Variants in ZBP1 observed in about 807,000 individuals in gnomAD.
ZBP1 encodes Z-DNA binding protein 1.
In ZBP1, 42 loss-of-function variants were observed where a neutral mutation model predicts 41.1. That is an observed-to-expected ratio of 1.02 (90% confidence interval 0.80 to 1.32). The LOEUF is 1.32. Ranked by LOEUF, ZBP1 falls within the 40% of genes most tolerant of loss-of-function variation. The pLI, the probability that ZBP1 is intolerant of heterozygous loss-of-function variation, is 0.00. For missense variants in ZBP1, 562 were observed against 549.7 expected (o/e 1.02, Z -0.22); for synonymous variants, 214 against 205.2 (o/e 1.04, Z -0.37).
chr20:57,620,210 A>C, intron 1 of ZBP1, 52 bp downstream of exon 1: 1 of 1,552,152 alleles, frequency 6.4e-7, no homozygotes, highest in Non-Finnish European at 8.7e-7. Context: ...AGAGAAGTAG[A>C]AATCTCACCC....
chr20:57,613,054 C>G lies in ZBP1; in HGVS notation c.670+109G>C. Reference sequence around the variant, plus strand: ...GGGGGTCTGGAAGCAACCCTTTCCCCTTGGAGGGCAGAATCCCCCCACTCC... The same window carrying G: ...GGGGGTCTGGAAGCAACCCTTTCCCGTTGGAGGGCAGAATCCCCCCACTCC... On this transcript the variant is annotated intron_variant, in intron 5 of 7. Coordinates refer to ENST00000371173, the MANE Select transcript of ZBP1 (RefSeq NM_030776.3). The surrounding 1 kb of genome is among the most constrained non-coding windows in gnomAD (Gnocchi z 4.5). The G allele has an allele frequency of 6.5e-7, 1 of 1,546,876 alleles. No individual in the cohort carries two copies.
At position 57,615,130 on chromosome 20, in the gene ZBP1, C is replaced by T. The variant is rs2070783312; in HGVS notation, c.329-70G>A. On this transcript the variant is annotated intron_variant, in intron 3 of 7. Coordinates refer to ENST00000371173, the MANE Select transcript of ZBP1 (RefSeq NM_030776.3). ...TTGCATCTGCCCCACCGCTTCCTAGCTGTGTGGCCCTGGACCCAGCCCCTC... is the reference window on the plus strand; with the variant it reads ...TTGCATCTGCCCCACCGCTTCCTAGTTGTGTGGCCCTGGACCCAGCCCCTC... 10 of 1,543,362 alleles carry T rather than the reference C, an allele frequency of 6.5e-6. No homozygotes were observed. The Admixed American group carries it at 1.0e-4, about 16-fold the overall frequency.
In ZBP1 at chr20:57,610,169, C is replaced by A. The variant is rs140512887; in HGVS notation, c.1073G>T (p.Gly358Val). The A allele has an allele frequency of 6.2e-7, 1 of 1,614,004 alleles. No individual in the cohort carries two copies. The highest frequency in any genetic ancestry group is 1.7e-5 in the Admixed American group (1 of 60,026). The change falls in exon 7 of 8, where the codon GGG (glycine) becomes GTG (valine). Residue 358 changes from glycine to valine, a missense_variant. Transcript: ENST00000371173. This position sits in a 1 kb window ranked among gnomAD's most constrained non-coding sequence, Gnocchi z 5.5. ...CTCACCTGCGTCCTCCCCTGGCTCC[C>A]CCTCTCCAGACCCTGCGACTCCTCC... Reference protein sequence around the residue: ...GPGGVAGSGEGEPGEDAGRRP... With the variant: ...GPGGVAGSGEVEPGEDAGRRP...
intron 7 of ZBP1, among the ~76,000 whole-genome samples, chr20:57,609,026 C>A (rs1211282937): frequency 1.3e-5 from 2 of 152,182 alleles, no homozygotes; most frequent in East Asian, 1.9e-4. Context: ...CTGCTCAAAG[C>A]CCCCCATGGC....
At position 57,610,729 on chromosome 20, in the gene ZBP1, G is replaced by T. The variant is rs995321815; in HGVS notation, c.875-362C>A. The T allele has an allele frequency of 6.2e-6, 2 of 325,138 alleles. No homozygotes were observed. The highest frequency in any genetic ancestry group is 4.6e-5 in the Admixed American group (1 of 21,950). The allele number at this position is 325,138 out of a possible 1,614,324, so 20.1% of individuals were successfully genotyped here. On this transcript the variant is annotated intron_variant, in intron 6 of 7. Coordinates refer to ENST00000371173, the MANE Select transcript of ZBP1 (RefSeq NM_030776.3). The surrounding 1 kb of genome is among the most constrained non-coding windows in gnomAD (Gnocchi z 5.5). ...CACTTTTGGTTGAAATCTTATGGGG[G>T]CTCCCAGCCTGGCCCCAGCTCCTGC... is the stretch of plus-strand genomic sequence containing the variant.
rs762116149 is a variant in ZBP1 at position 57,620,273 on chromosome 20, G to A, written c.23C>T (p.Pro8Leu). 11 of 1,595,870 alleles carry A rather than the reference G, an allele frequency of 6.9e-6. No individual in the cohort carries two copies. The highest frequency in any genetic ancestry group is 3.3e-4 in the Middle Eastern group (2 of 6,036). MAQAPAD[P>L]GREGHLEQRI... ...AAGAAGTACTGTACCTTCTCTGCCCGGGTCAGCAGGAGCCTGGGCCATGCT... is the reference window on the plus strand; with the variant it reads ...AAGAAGTACTGTACCTTCTCTGCCCAGGTCAGCAGGAGCCTGGGCCATGCT... The change falls in exon 1 of 8, where the codon CCG becomes CTG. Residue 8 changes from proline to leucine, a missense_variant. Coordinates refer to ENST00000371173, the MANE Select transcript of ZBP1 (RefSeq NM_030776.3).
intron 7 of ZBP1, among the ~76,000 whole-genome samples, chr20:57,605,822 G>A (rs6025656): frequency 4.6e-5 from 7 of 151,912 alleles, no homozygotes; most frequent in Non-Finnish European, 7.4e-5. Context: ...TAATCACAGC[G>A]ACCCAGGAGG....
intron 7 of ZBP1, among the ~76,000 whole-genome samples, chr20:57,605,031 C>G (rs775400566): frequency 2.2e-4 from 33 of 152,138 alleles, no homozygotes; most frequent in Non-Finnish European, 4.6e-4. Flanking sequence ...CCAGGGCTCT[C>G]CCAGTCCTCC....
rs1330728114 is a variant in ZBP1 at position 57,609,935 on chromosome 20, T to C, written c.1093+214A>G. ...ACTTTACAGCTAAGGAGACAGAGGC[T>C]CCTGGGTGAAATGACTTGGGTGGGT... On this transcript the variant is annotated intron_variant, in intron 7 of 7. Coordinates refer to ENST00000371173, the MANE Select transcript of ZBP1 (RefSeq NM_030776.3). Among the ~76,000 whole-genome samples, 3 of 152,218 alleles carry C rather than the reference T, an allele frequency of 2.0e-5. No individual in the cohort carries two copies. The East Asian group carries it at 5.8e-4, about 29-fold the overall frequency.
rs761673109 is a variant in ZBP1, at chr20:57,616,280, C to T, written c.223G>A (p.Gly75Ser). 5.6e-6 allele frequency: 9 copies of T among 1,614,156 alleles called. No homozygotes were observed. The highest frequency in any genetic ancestry group is 7.6e-6 in the Non-Finnish European group (9 of 1,180,030). ...AAGGCCAGCTCTGCAGGACCCTCGC[C>T]TTCAGGATCAGTCCCGCCCAAGCAC... Reference protein sequence around the residue: ...TWCLGGTDPEGEGPAELALSS... With the variant: ...TWCLGGTDPESEGPAELALSS... Residue 75 changes from glycine (G) to serine (S), a missense_variant, in exon 2 of 8, where the codon GGC becomes AGC. Physicochemically the swap from Gly to Ser is moderately conservative, Grantham distance 56. Transcript: ENST00000371173.
chr20:57,606,908 A>C, intron 7 of ZBP1: 1 of 1,076,466 alleles, frequency 9.3e-7, no homozygotes, highest in Non-Finnish European at 1.2e-6. Context: ...GGGCCAAAAA[A>C]AAATTTTTTT....
chr20:57,615,047 G>A lies in ZBP1; in HGVS notation c.342C>T (p.Tyr114=). 6.2e-7 allele frequency: 1 copy of A among 1,614,214 alleles called. No individual in the cohort carries two copies. The change falls in exon 4 of 8, where the codon TAC becomes TAT. Residue 114 remains tyrosine, a synonymous_variant. Coordinates refer to ENST00000371173, the MANE Select transcript of ZBP1 (RefSeq NM_030776.3). ...QFSQQREEDI[Y]RFLKDNGPQR... Reference sequence around the variant, plus strand: ...GGGGACCATTGTCTTTGAGAAACCTGTAGATGTCTTCCTCTGGGAGGCAGG... The same window carrying A: ...GGGGACCATTGTCTTTGAGAAACCTATAGATGTCTTCCTCTGGGAGGCAGG...
At chr20:57,607,200 G>T (rs1410091671) in intron 7 of ZBP1, 1 of 1,303,960 alleles carries the variant, frequency 7.7e-7, no homozygotes, top group African/African-American at 1.5e-5. Context: ...GTGATTCATG[G>T]GAGGAGGTCA....
At position 57,611,745 on chromosome 20, in the gene ZBP1, G is replaced by A. The variant is rs780732679; in HGVS notation, c.856C>T (p.Pro286Ser). The A allele has an allele frequency of 3.1e-6, 5 of 1,611,128 alleles. No individual in the cohort carries two copies. The highest frequency in any genetic ancestry group is 1.8e-4 in the Middle Eastern group (1 of 5,654). The part of the protein sequence containing the change: ...GVPSEGPAHI[P>S]PGSPPVSATA... ...CAGTTACCTGGGGGGCTGCCAGGGG[G>A]GATGTGGGCAGGGCCCTCGGACGGG... Residue 286 changes from proline (P) to serine (S), a missense_variant, in exon 6 of 8, where the codon CCC (proline) becomes TCC (serine). By Grantham distance (74) the Pro-to-Ser change is moderately conservative. Coordinates refer to ENST00000371173, the MANE Select transcript of ZBP1 (RefSeq NM_030776.3).
intron 7 of ZBP1, among the ~76,000 whole-genome samples, chr20:57,609,540 C>T (rs2070591303): frequency 1.3e-5 from 2 of 151,932 alleles, no homozygotes; most frequent in South Asian, 4.2e-4. Flanking sequence ...TCTCGCCCCT[C>T]TGCTTGCTGG....
intron 3 of ZBP1, 112 bp from the exon 4 acceptor site, chr20:57,615,172 A>G: frequency 8.5e-7 from 1 of 1,176,538 alleles, no homozygotes; most frequent in Non-Finnish European, 1.2e-6. Flanking sequence ...TGGTTTCCTC[A>G]TCTGTAAAAT....
chr20:57,604,721 A>C lies in ZBP1; in HGVS notation c.1142T>G (p.Ile381Ser). 6.2e-7 allele frequency: 1 copy of C among 1,614,114 alleles called. No individual in the cohort carries two copies. The highest frequency in any genetic ancestry group is 1.1e-5 in the South Asian group (1 of 91,072). The change falls in exon 8 of 8, where the codon ATT becomes AGT. Residue 381 changes from isoleucine to serine, a missense_variant. Ile to Ser is a moderately radical substitution (Grantham distance 142). Transcript: ENST00000371173. ...TQSRSHFPRD[I>S]GQPITPSHSK... The stretch of plus-strand genomic sequence containing the variant: ...GTGGCTGGGAGTGATGGGCTGACCA[A>C]TGTCTCGAGGAAAGTGACTTCTGGA...
At chr20:57,606,723 A>G (rs185439089) in intron 7 of ZBP1, among the ~76,000 whole-genome samples, 2 of 152,308 alleles carry the variant, frequency 1.3e-5, no homozygotes, top group Non-Finnish European at 2.9e-5. Context: ...GACTCTGCCT[A>G]TGTTCTATGA....
chr20:57,611,668 C>A, intron 6 of ZBP1, 59 bp downstream of exon 6: 4 of 1,521,108 alleles, frequency 2.6e-6, no homozygotes, highest in Non-Finnish European at 3.6e-6. Context: ...GGCTCCAGTT[C>A]CTTCCAGTGA....
Sources: allele counts gnomAD v4.1 joint callset (sites outside exome capture counted in the v4.1 genomes callset), GRCh38; gene constraint gnomAD v4.1.1; non-coding constraint Gnocchi (gnomAD v3.1); transcripts MANE v1.5; gene names NCBI Gene and HGNC (gene_info 2026-07-23, HGNC 2026-07-21).